The following FRMD3 variants were observed in gnomAD, a reference collection of about 807,000 sequenced individuals.
FRMD3 encodes FERM domain-containing protein 3.
In FRMD3, 33 loss-of-function variants were observed where a neutral mutation model predicts 70.2. The ratio of observed to expected loss-of-function variants is 0.47; its 90% CI spans 0.36 to 0.63. The LOEUF (loss-of-function observed/expected upper bound fraction) is 0.63, where lower values mean the gene tolerates loss of function less well. FRMD3 is among the 20% of genes least tolerant of loss of function. FRMD3 has a pLI of 0.00. For missense variants in FRMD3, 632 were observed against 711.4 expected (o/e 0.89, Z 1.27); for synonymous variants, 279 against 255.9 (o/e 1.09, Z -0.86).
chr9:83,286,524 G>T (rs2050742028), intron 13 of FRMD3, among the ~76,000 whole-genome samples: 1 of 152,016 alleles, frequency 6.6e-6, no homozygotes, highest in Admixed American at 6.6e-5. Flanking sequence ...AGAGACAGGG[G>T]TTTCACCATG....
At chr9:83,287,465 G>T (rs1223194092) in intron 13 of FRMD3, among the ~76,000 whole-genome samples, 1 of 152,084 alleles carries the variant, frequency 6.6e-6, no homozygotes, top group African/African-American at 2.4e-5. Flanking sequence ...CAACTCCCAT[G>T]CCATTGATAT....
At position 83,255,661 on chromosome 9, in the gene FRMD3, A is replaced by G. The variant is rs538538928; in HGVS notation, c.1196-7145T>C. ...AGCCCCAAATCTCCTTAAGCTGATA[A>G]GCAACTTCAGCAAAGTCTCAGGATA... On this transcript the variant is annotated intron_variant, in intron 13 of 13. Coordinates refer to ENST00000304195, the MANE Select transcript of FRMD3 (RefSeq NM_174938.6). Among the ~76,000 whole-genome samples, 14 of 152,338 alleles carry G rather than the reference A, an allele frequency of 9.2e-5. No homozygotes were observed. The South Asian group carries it at 2.9e-3, about 32-fold the overall frequency.
intron 1 of FRMD3, among the ~76,000 whole-genome samples, chr9:83,430,612 GC>G (rs1346996546): frequency 6.6e-6 from 1 of 152,008 alleles, no homozygotes; most frequent in Non-Finnish European, 1.5e-5. Context: ...AAAATGGCTT[GC>G]TTTTTTTTAA....
At chr9:83,549,712 A>AT in the FRMD3 span, among the ~76,000 whole-genome samples, 2 of 151,978 alleles carry the variant, frequency 1.3e-5, no homozygotes, top group Non-Finnish European at 2.9e-5. Flanking sequence ...GATATCGAGC[A>AT]TTTTTTTCAT....
intron 10 of FRMD3, among the ~76,000 whole-genome samples, chr9:83,306,636 T>C (rs978374604): frequency 2.6e-5 from 4 of 152,122 alleles, no homozygotes; most frequent in Admixed American, 6.5e-5. Context: ...TTACATGAAA[T>C]AACAATCTCC....
intron 1 of FRMD3, among the ~76,000 whole-genome samples, chr9:83,456,078 C>T (rs1362675071): frequency 6.6e-6 from 1 of 152,198 alleles, no homozygotes; most frequent in Non-Finnish European, 1.5e-5. Context: ...GTAACCTGCC[C>T]ATAGGTAACC....
chr9:83,347,966 G>A (rs963190831), intron 4 of FRMD3, among the ~76,000 whole-genome samples: 2 of 152,166 alleles, frequency 1.3e-5, no homozygotes, highest in Admixed American at 6.5e-5. Flanking sequence ...TTAGTCAAAC[G>A]TAGGAAAATG....
rs1485957141 is a variant in FRMD3, at chr9:83,537,468, G to T, written c.147+617C>A. On this transcript the variant is annotated intron_variant, in intron 1 of 13. Coordinates refer to ENST00000304195, the MANE Select transcript of FRMD3 (RefSeq NM_174938.6). This position sits in a 1 kb window ranked among gnomAD's most constrained non-coding sequence, Gnocchi z 4.1. Reference sequence around the variant, plus strand: ...GTAGCTCCAGTCCGGCGCAGCGCGCGCTCCATCCCTCAAGGCTGGCGCCCA... The same window carrying T: ...GTAGCTCCAGTCCGGCGCAGCGCGCTCTCCATCCCTCAAGGCTGGCGCCCA... 1.6e-4 allele frequency among the ~76,000 whole-genome samples: 25 copies of T among 152,196 alleles called. No homozygotes were observed. The highest frequency in any genetic ancestry group is 1.6e-3 in the Admixed American group (25 of 15,286).
intron 1 of FRMD3, among the ~76,000 whole-genome samples, chr9:83,468,708 T>C (rs1362579594): frequency 6.6e-6 from 1 of 152,234 alleles, no homozygotes; most frequent in African/African-American, 2.4e-5. Context: ...GCAGGATTAG[T>C]AAATGTGTCC....
At chr9:83,554,930 C>T in the FRMD3 span, among the ~76,000 whole-genome samples, 7 of 152,174 alleles carry the variant, frequency 4.6e-5, no homozygotes, top group Non-Finnish European at 1.0e-4. Context: ...TTTCTAGAAC[C>T]TCGAGGTATC....
the FRMD3 span, among the ~76,000 whole-genome samples, chr9:83,564,144 T>C: frequency 6.6e-6 from 1 of 152,162 alleles, no homozygotes; most frequent in Non-Finnish European, 1.5e-5. Context: ...CTGGTAAGTA[T>C]AGTGGCCATA....
At chr9:83,464,117 A>G (rs958476081) in intron 1 of FRMD3, among the ~76,000 whole-genome samples, 15 of 152,166 alleles carry the variant, frequency 9.9e-5, no homozygotes, top group African/African-American at 3.6e-4. Context: ...TCCTGCCATC[A>G]CCTTGCCAGG....
intron 5 of FRMD3, 109 bp downstream of exon 5, chr9:83,343,081 C>T: frequency 2.5e-6 from 2 of 791,012 alleles, no homozygotes; most frequent in Non-Finnish European, 4.5e-6. Context: ...TACATGGTCT[C>T]CAGCCACAGA....
chr9:83,361,269 G>A (rs1824574892), intron 3 of FRMD3, among the ~76,000 whole-genome samples: 2 of 152,216 alleles, frequency 1.3e-5, no homozygotes, highest in Admixed American at 1.3e-4. Flanking sequence ...CACCTGTGCT[G>A]TAAAAAGAGC....
At chr9:83,358,286 C>G (rs1824469277) in intron 3 of FRMD3, among the ~76,000 whole-genome samples, 1 of 152,176 alleles carries the variant, frequency 6.6e-6, no homozygotes, top group Admixed American at 6.6e-5. Context: ...TTCCATTGGT[C>G]TATGTGCCTA....
At chr9:83,316,161 C>CTTTT (rs34851421) in intron 6 of FRMD3, among the ~76,000 whole-genome samples, 6 of 112,604 alleles carry the variant, frequency 5.3e-5, no homozygotes, top group African/African-American at 1.1e-4. Context: ...TTTTTTTTTT[C>CTTTT]TTTTTTTTTT....
intron 6 of FRMD3, 124 bp from the exon 7 acceptor site, chr9:83,313,871 A>G (rs963419556): frequency 1.2e-5 from 8 of 693,334 alleles, no homozygotes; most frequent in Non-Finnish European, 1.8e-5. Context: ...CATAAATAGT[A>G]ATCAGTAAGA....
At chr9:83,326,646 G>A (rs1163128464) in intron 6 of FRMD3, among the ~76,000 whole-genome samples, 1 of 152,146 alleles carries the variant, frequency 6.6e-6, no homozygotes, top group African/African-American at 2.4e-5. Flanking sequence ...AGAAAGGTTG[G>A]GGTTTTTTCC....
At chr9:83,359,607 A>T (rs1170171331) in intron 3 of FRMD3, among the ~76,000 whole-genome samples, 1 of 152,208 alleles carries the variant, frequency 6.6e-6, no homozygotes, top group Non-Finnish European at 1.5e-5. Flanking sequence ...ACCAATACAT[A>T]AACAAGTGTG....
Sources: allele counts gnomAD v4.1 joint callset (sites outside exome capture counted in the v4.1 genomes callset), GRCh38; gene constraint gnomAD v4.1.1; non-coding constraint Gnocchi (gnomAD v3.1); transcripts MANE v1.5; gene names NCBI Gene and HGNC (gene_info 2026-07-23, HGNC 2026-07-21).